The following PRDM16 variants were observed in gnomAD, a reference collection of about 807,000 sequenced individuals.
PRDM16 encodes PR/SET domain 16, also known as histone-lysine N-methyltransferase PRDM16.
Under a neutral mutation model 110.6 loss-of-function variants are expected in PRDM16, and 23 were observed. The ratio of observed to expected loss-of-function variants is 0.21; its 90% confidence interval spans 0.15 to 0.29. The LOEUF (loss-of-function observed/expected upper bound fraction) is 0.29. Among genes scored for constraint, PRDM16 ranks in the 10% least tolerant of loss-of-function variants. The probability of loss-of-function intolerance (pLI) is 1.00; values close to 1 mark genes in which losing one functional copy is unlikely to be tolerated. For synonymous variants in PRDM16, 799 were observed against 781.8 expected (o/e 1.02, Z -0.37); for missense variants, 1,615 against 1,794.3 (o/e 0.90, Z 1.81).
intron 1 of PRDM16, among the ~76,000 whole-genome samples, chr1:3,094,195 G>A (rs1486337967): frequency 2.0e-5 from 3 of 152,246 alleles, no homozygotes; most frequent in Non-Finnish European, 4.4e-5. Context: ...TCGCCGCCCA[G>A]GCCTGGAGCC....
rs1308625822 is a variant in PRDM16, at chr1:3,437,087, C to T, written c.*3276C>T. On this transcript the variant is annotated 3_prime_UTR_variant, in exon 17 of 17. Transcript: ENST00000270722. The stretch of plus-strand genomic sequence containing the variant: ...TTCATGAGTGGGACCCAAGATATCA[C>T]TGACTTCAACCCAGAGGATCGAGCC... The T allele has an allele frequency of 1.7e-5, 4 of 232,560 alleles. No homozygotes were observed. The highest frequency in any genetic ancestry group is 3.4e-5 in the Non-Finnish European group (4 of 117,688). 14.4% of individuals were successfully genotyped at this position (232,560 alleles called of 1,614,324 possible). A position where few individuals can be genotyped will look rare whatever the true frequency, so the allele number is the denominator to read the frequency against.
At chr1:3,329,243 G>A (rs1203465726) in intron 3 of PRDM16, among the ~76,000 whole-genome samples, 6 of 152,224 alleles carry the variant, frequency 3.9e-5, no homozygotes, top group Non-Finnish European at 8.8e-5. Context: ...TGTTCGTGGT[G>A]GCGTTCCAGA....
At chr1:3,394,637 C>A in intron 4 of PRDM16, 1 of 330,894 alleles carries the variant, frequency 3.0e-6, no homozygotes, top group Non-Finnish European at 6.0e-6. Context: ...CGGGCCAGGC[C>A]ACCTGCCCCA....
chr1:3,244,213 C>A lies in PRDM16; in HGVS notation c.438+76C>A. On this transcript the variant is annotated intron_variant, in intron 3 of 16. Transcript: ENST00000270722. The surrounding 1 kb of genome is among the most constrained non-coding windows in gnomAD (Gnocchi z 4.1). ...CCTGGCGGGGCGACCGCCATCCCAG[C>A]TGTCCCTGAGCTAACAAGCGTGTAG... 1.5e-6 allele frequency: 2 copies of A among 1,360,438 alleles called. No individual in the cohort carries two copies. Among genetic ancestry groups the A allele is most frequent in the Non-Finnish European group, 2.1e-6 (2 of 954,600 alleles). The allele number at this position is 1,360,438 out of a possible 1,614,324, so 84.3% of individuals were successfully genotyped here. A position where few individuals can be genotyped will look rare whatever the true frequency, so the allele number is the denominator to read the frequency against.
intron 3 of PRDM16, among the ~76,000 whole-genome samples, chr1:3,329,666 C>T (rs1193946395): frequency 1.3e-5 from 2 of 152,232 alleles, no homozygotes. Context: ...CTTCACACCC[C>T]TCTCTTCCAG....
At chr1:3,388,770 C>A (rs553089051) in intron 4 of PRDM16, among the ~76,000 whole-genome samples, 33 of 152,324 alleles carry the variant, frequency 2.2e-4, no homozygotes, top group African/African-American at 7.9e-4. Context: ...GGGGTGAGAC[C>A]CACACTTTAG....
chr1:3,295,730 C>A (rs1046238914), intron 3 of PRDM16, among the ~76,000 whole-genome samples: 1 of 152,154 alleles, frequency 6.6e-6, no homozygotes, highest in Non-Finnish European at 1.5e-5. Context: ...GGTTTCTGGG[C>A]GATGGGCTCT....
intron 1 of PRDM16, among the ~76,000 whole-genome samples, chr1:3,172,849 G>C (rs1396963838): frequency 6.6e-6 from 1 of 152,188 alleles, no homozygotes; most frequent in Non-Finnish European, 1.5e-5. Context: ...AGGAGTTCTG[G>C]AGATGGGTGG....
chr1:3,256,434 A>G (rs1397641468), intron 3 of PRDM16, among the ~76,000 whole-genome samples: 5 of 152,198 alleles, frequency 3.3e-5, no homozygotes, highest in Middle Eastern at 3.2e-3. Flanking sequence ...TCGTTCATCT[A>G]TTGTAACAAG....
At chr1:3,410,097 TGTGTGTGTGC>T (rs1304853820) in intron 8 of PRDM16, among the ~76,000 whole-genome samples, 6 of 143,434 alleles carry the variant, frequency 4.2e-5, no homozygotes, top group African/African-American at 1.0e-4. Flanking sequence ...TGTGTGTGGT[TGTGTGTGTGC>T]GTGTGTGTGG....
chr1:3,418,128 G>A (rs1638321264), intron 11 of PRDM16, 131 bp downstream of exon 11: 3 of 754,368 alleles, frequency 4.0e-6, no homozygotes, highest in Non-Finnish European at 6.4e-6. Flanking sequence ...GCAATCAGCT[G>A]GTTATCTGCT....
intron 2 of PRDM16, among the ~76,000 whole-genome samples, chr1:3,193,313 C>T (rs564661542): frequency 1.6e-4 from 25 of 152,326 alleles, no homozygotes; most frequent in East Asian, 1.5e-3. Context: ...GGGGATGGAG[C>T]GGCAGCTCCC....
intron 2 of PRDM16, among the ~76,000 whole-genome samples, chr1:3,232,134 G>A (rs913378787): frequency 3.9e-5 from 6 of 152,224 alleles, no homozygotes; most frequent in African/African-American, 1.4e-4. Context: ...GCAACAGATT[G>A]GAAACATTCC....
intron 3 of PRDM16, among the ~76,000 whole-genome samples, chr1:3,338,518 C>T (rs1110215): frequency 0.022 from 3,279 of 152,314 alleles, 180 homozygotes; most frequent in East Asian, 0.12. Flanking sequence ...CAAGTGGGGA[C>T]GGGGTGCCCG....
In PRDM16 at chr1:3,412,396, C is replaced by T. The variant is rs1405823201; in HGVS notation, c.2199C>T (p.Phe733=). 2 of 1,613,196 alleles carry T rather than the reference C, an allele frequency of 1.2e-6. No homozygotes were observed. The highest frequency in any genetic ancestry group is 1.3e-5 in the African/African-American group (1 of 74,954). The change falls in exon 9 of 17, where the codon TTC becomes TTT. Residue 733 remains phenylalanine (F), a synonymous_variant. Transcript: ENST00000270722. ...SAFPFQFLPN[F]PHSLYPFTDR... The stretch of plus-strand genomic sequence containing the variant: ...TCCCCTTCCAGTTCCTGCCCAACTT[C>T]CCCCACTCCCTTTACCCCTTCACGG...
At chr1:3,079,556 G>C (rs940215248) in intron 1 of PRDM16, among the ~76,000 whole-genome samples, 1 of 152,196 alleles carries the variant, frequency 6.6e-6, no homozygotes, top group Non-Finnish European at 1.5e-5. Flanking sequence ...CCCCAGGGAC[G>C]TGCCACAGGA....
At chr1:3,197,149 T>A (rs1638499513) in intron 2 of PRDM16, among the ~76,000 whole-genome samples, 1 of 152,128 alleles carries the variant, frequency 6.6e-6, no homozygotes, top group African/African-American at 2.4e-5. Flanking sequence ...TGAGTCCCCC[T>A]TGGGACATCA....
chr1:3,328,743 G>A (rs1038341740), intron 3 of PRDM16, among the ~76,000 whole-genome samples: 1 of 152,192 alleles, frequency 6.6e-6, no homozygotes, highest in Non-Finnish European at 1.5e-5. Flanking sequence ...GAGGACTCTG[G>A]CACATGGAGC....
At chr1:3,155,413 T>C (rs1454843332) in intron 1 of PRDM16, among the ~76,000 whole-genome samples, 1 of 152,236 alleles carries the variant, frequency 6.6e-6, no homozygotes, top group Non-Finnish European at 1.5e-5. Flanking sequence ...GTTATTGCCC[T>C]GTTATCTGCG....
Sources: allele counts gnomAD v4.1 joint callset (sites outside exome capture counted in the v4.1 genomes callset), GRCh38; gene constraint gnomAD v4.1.1; non-coding constraint Gnocchi (gnomAD v3.1); transcripts MANE v1.5; gene names NCBI Gene and HGNC (gene_info 2026-07-23, HGNC 2026-07-21).